Variants in CACNA1E observed in about 807,000 individuals in gnomAD.
The protein encoded by CACNA1E is voltage-dependent R-type calcium channel subunit alpha-1E.
CACNA1E carries 40 observed loss-of-function variants against 259.2 expected under a neutral mutation model. That is an observed-to-expected ratio of 0.15 (90% CI 0.12 to 0.20). The LOEUF (loss-of-function observed/expected upper bound fraction) is 0.20, where lower values mean the gene tolerates loss of function less well. CACNA1E is among the 10% of genes least tolerant of loss of function. The pLI is 1.00. For synonymous variants in CACNA1E, 1,104 were observed against 1,138.5 expected, an observed-to-expected ratio of 0.97 and a Z score of 0.61; for missense variants, 1,874 against 3,040.1, an observed-to-expected ratio of 0.62 and a Z score of 9.02.
At chr1:181,680,085 G>A (rs1334432290) in intron 7 of CACNA1E, among the ~76,000 whole-genome samples, 4 of 129,922 alleles carry the variant, frequency 3.1e-5, no homozygotes, top group Non-Finnish European at 4.6e-5. Flanking sequence ...CAGCCTGCAT[G>A]ACAGAGTGAG....
At chr1:181,696,616 A>G (rs1239717428) in intron 7 of CACNA1E, among the ~76,000 whole-genome samples, 8 of 152,214 alleles carry the variant, frequency 5.3e-5, no homozygotes, top group African/African-American at 1.2e-4. Context: ...TTTAGGCATC[A>G]GCCTTCCTGT....
intron 7 of CACNA1E, among the ~76,000 whole-genome samples, chr1:181,707,051 T>C (rs1652863351): frequency 1.3e-5 from 2 of 152,204 alleles, no homozygotes; most frequent in African/African-American, 2.4e-5. Context: ...CTTGACCTCA[T>C]GAAGCCTGCA....
At chr1:181,707,415 C>T (rs989752330) in intron 7 of CACNA1E, among the ~76,000 whole-genome samples, 1 of 152,070 alleles carries the variant, frequency 6.6e-6, no homozygotes, top group Non-Finnish European at 1.5e-5. Flanking sequence ...AGCAGGGAAC[C>T]CAGCGAGTGA....
At chr1:181,463,876 T>A (rs1661977398) in intron 2 of CACNA1E, among the ~76,000 whole-genome samples, 2 of 152,146 alleles carry the variant, frequency 1.3e-5, no homozygotes, top group Non-Finnish European at 2.9e-5. Flanking sequence ...TCCTTCCACA[T>A]ACTGAGATAA....
intron 43 of CACNA1E, among the ~76,000 whole-genome samples, chr1:181,789,740 T>C (rs1661133760): frequency 6.6e-6 from 1 of 152,190 alleles, no homozygotes; most frequent in African/African-American, 2.4e-5. Context: ...TAGACAGTGG[T>C]TTAATAACAA....
chr1:181,654,211 T>A (rs1359880184), intron 7 of CACNA1E, among the ~76,000 whole-genome samples: 1 of 149,568 alleles, frequency 6.7e-6, no homozygotes, highest in African/African-American at 2.4e-5. Flanking sequence ...AAAATGTACA[T>A]TCATTTTACA....
At chr1:181,418,671 CT>C (rs969220968) in intron 2 of CACNA1E, among the ~76,000 whole-genome samples, 1 of 151,966 alleles carries the variant, frequency 6.6e-6, no homozygotes, top group African/African-American at 2.4e-5. Flanking sequence ...TTCATTAAAC[CT>C]ACATTTTTTC....
chr1:181,430,316 C>T (rs1659624795), intron 2 of CACNA1E, among the ~76,000 whole-genome samples: 1 of 152,172 alleles, frequency 6.6e-6, no homozygotes, highest in African/African-American at 2.4e-5. Context: ...AGAAGAAAGT[C>T]CTCTGCCACA....
At chr1:181,528,744 G>A (rs950157037) in intron 3 of CACNA1E, among the ~76,000 whole-genome samples, 3 of 152,166 alleles carry the variant, frequency 2.0e-5, no homozygotes, top group Non-Finnish European at 4.4e-5. Flanking sequence ...GAGATTTGTG[G>A]AACTTTGAAC....
At chr1:181,589,371 A>G (rs1374993179) in intron 6 of CACNA1E, among the ~76,000 whole-genome samples, 1 of 152,234 alleles carries the variant, frequency 6.6e-6, no homozygotes, top group East Asian at 1.9e-4. Flanking sequence ...CCTAACATAA[A>G]GTGATTGACA....
chr1:181,566,628 G>C (rs563829940), intron 3 of CACNA1E, among the ~76,000 whole-genome samples: 1 of 152,302 alleles, frequency 6.6e-6, no homozygotes, highest in African/African-American at 2.4e-5. Context: ...TGAGATGAAG[G>C]CTTCCTTTGG....
rs1000335369 is a variant in CACNA1E at position 181,549,157 on chromosome 1, G to A, written c.513-28609G>A. Reference sequence around the variant, plus strand: ...AAAGCCACAGGGATGGTGAAGGAGTGGCGTCAGGATGGGCAGAAAGAGCTC... The same window carrying A: ...AAAGCCACAGGGATGGTGAAGGAGTAGCGTCAGGATGGGCAGAAAGAGCTC... On this transcript the variant is annotated intron_variant, in intron 3 of 47. Coordinates refer to ENST00000367573, the MANE Select transcript of CACNA1E (RefSeq NM_001205293.3). Among the ~76,000 whole-genome samples, 61 of 152,198 alleles carry A rather than the reference G, an allele frequency of 4.0e-4. 1 individual carries two copies. The highest frequency in any genetic ancestry group is 3.8e-3 in the Admixed American group (58 of 15,284).
chr1:181,768,858 T>C (rs1659246807), intron 35 of CACNA1E, among the ~76,000 whole-genome samples: 1 of 152,204 alleles, frequency 6.6e-6, no homozygotes, highest in African/African-American at 2.4e-5. Flanking sequence ...ACAACAAAAC[T>C]GAGGGATCTG....
Position 181,612,098 on chromosome 1 carries a change from A to G in CACNA1E, c.951+31322A>G, listed in dbSNP as rs577457888. Among the ~76,000 whole-genome samples the G allele has an allele frequency of 1.4e-4, 21 of 152,320 alleles. No homozygotes were observed. In the South Asian group the frequency reaches 4.1e-3, roughly 30 times the overall value. On this transcript the variant is annotated intron_variant, in intron 6 of 47. Transcript: ENST00000367573. ...CGACACTTGAGATTACCATACCCAA[A>G]AAAGGATGACCCTCTCATGGCCTGG...
At chr1:181,688,745 A>G (rs953324287) in intron 7 of CACNA1E, among the ~76,000 whole-genome samples, 1 of 152,098 alleles carries the variant, frequency 6.6e-6, no homozygotes, top group Non-Finnish European at 1.5e-5. Flanking sequence ...AGACCTCCAG[A>G]ATTTATCCTG....
intron 1 of CACNA1E, among the ~76,000 whole-genome samples, chr1:181,495,677 C>T (rs972758967): frequency 6.6e-6 from 1 of 152,224 alleles, no homozygotes; most frequent in African/African-American, 2.4e-5. Context: ...GGTTTCATCA[C>T]CTCCCTGAGC....
chr1:181,442,362 G>T (rs1660550848), intron 2 of CACNA1E, among the ~76,000 whole-genome samples: 1 of 151,852 alleles, frequency 6.6e-6, no homozygotes, highest in East Asian at 1.9e-4. Flanking sequence ...AGGGACACAG[G>T]TGTGAAGGGC....
intron 6 of CACNA1E, among the ~76,000 whole-genome samples, chr1:181,581,604 A>G (rs1030967005): frequency 1.3e-5 from 2 of 152,194 alleles, no homozygotes; most frequent in Non-Finnish European, 2.9e-5. Context: ...TAGGGTGATC[A>G]TGAAGTCTCT....
intron 7 of CACNA1E, among the ~76,000 whole-genome samples, chr1:181,652,634 G>A (rs1658861478): frequency 6.6e-6 from 1 of 152,202 alleles, no homozygotes; most frequent in Non-Finnish European, 1.5e-5. Flanking sequence ...GAGACACCAG[G>A]TAGGTCTGAG....
Sources: allele counts gnomAD v4.1 joint callset (sites outside exome capture counted in the v4.1 genomes callset), GRCh38; gene constraint gnomAD v4.1.1; transcripts MANE v1.5; gene names NCBI Gene and HGNC (gene_info 2026-07-23, HGNC 2026-07-21).